Variants in UNC13C observed in about 807,000 individuals in gnomAD.
The protein encoded by UNC13C is unc-13 homolog C.
UNC13C carries 174 observed loss-of-function variants against 245.4 expected under a neutral mutation model. The observed-to-expected ratio is 0.71, with a 90% confidence interval of 0.63 to 0.80. The LOEUF is 0.80. Ranked by LOEUF, UNC13C falls within the 30% of genes least tolerant of loss-of-function variation. The pLI is 0.00. For missense variants in UNC13C, 2,829 were observed against 2,602.9 expected, an observed-to-expected ratio of 1.09 and a Z score of -1.89; for synonymous variants, 992 against 895.1, an observed-to-expected ratio of 1.11 and a Z score of -1.93.
chr15:54,590,258 C>A (rs931608653), intron 30 of UNC13C, among the ~76,000 whole-genome samples: 1 of 152,106 alleles, frequency 6.6e-6, no homozygotes, highest in African/African-American at 2.4e-5. Context: ...CTTAGTCTTG[C>A]TTTGGCTATG....
chr15:54,330,621 G>T (rs1473208130), intron 14 of UNC13C, among the ~76,000 whole-genome samples: 1 of 152,004 alleles, frequency 6.6e-6, no homozygotes, highest in African/African-American at 2.4e-5. Context: ...TCGTCTAAAT[G>T]ATTAACTTTA....
At chr15:53,840,245 A>G in the UNC13C span, among the ~76,000 whole-genome samples, 1 of 152,184 alleles carries the variant, frequency 6.6e-6, no homozygotes, top group South Asian at 2.1e-4. Flanking sequence ...TTTAGCTATG[A>G]GAAAATGTCT....
intron 17 of UNC13C, among the ~76,000 whole-genome samples, chr15:54,365,648 C>G (rs999969067): frequency 9.2e-5 from 14 of 151,936 alleles, no homozygotes; most frequent in Admixed American, 3.9e-4. Context: ...TAACTATGAG[C>G]CTTGGGAGAC....
chr15:54,142,152 T>G (rs1005469519), intron 2 of UNC13C, among the ~76,000 whole-genome samples: 3 of 152,206 alleles, frequency 2.0e-5, no homozygotes, highest in African/African-American at 7.2e-5. Context: ...GACTCTATCC[T>G]ATGACCAGGC....
At chr15:54,462,836 A>C (rs570341271) in intron 19 of UNC13C, among the ~76,000 whole-genome samples, 1 of 152,252 alleles carries the variant, frequency 6.6e-6, no homozygotes, top group African/African-American at 2.4e-5. Flanking sequence ...TGAGGAGTGC[A>C]GGCATGTGGT....
chr15:54,253,739 G>A (rs537762980), intron 8 of UNC13C, among the ~76,000 whole-genome samples: 3 of 152,308 alleles, frequency 2.0e-5, no homozygotes, highest in African/African-American at 7.2e-5. Flanking sequence ...AAAAGGCCGT[G>A]TTGGCTGGGA....
chr15:54,052,911 G>C (rs1388453425), intron 2 of UNC13C, among the ~76,000 whole-genome samples: 1 of 152,178 alleles, frequency 6.6e-6, no homozygotes, highest in Non-Finnish European at 1.5e-5. Flanking sequence ...AAAGTATTAG[G>C]TTGGTTGTAA....
intron 17 of UNC13C, among the ~76,000 whole-genome samples, chr15:54,390,627 C>G (rs964751286): frequency 6.6e-6 from 1 of 151,888 alleles, no homozygotes; most frequent in Non-Finnish European, 1.5e-5. Flanking sequence ...CTTGATATAA[C>G]AAATGTTATT....
chr15:53,907,623 T>C, the UNC13C span, among the ~76,000 whole-genome samples: 3 of 152,176 alleles, frequency 2.0e-5, no homozygotes, highest in African/African-American at 7.2e-5. Flanking sequence ...AATGCTATTA[T>C]TAAAAAGTTC....
At chr15:54,290,990 G>GTATC in intron 10 of UNC13C, among the ~76,000 whole-genome samples, 1 of 152,126 alleles carries the variant, frequency 6.6e-6, no homozygotes, top group Admixed American at 6.6e-5. Context: ...GATGATAACT[G>GTATC]TATCTTTTGC....
In UNC13C at chr15:54,191,120, A is replaced by G. The variant is rs528228763; in HGVS notation, c.3072-43910A>G. 2.0e-4 allele frequency among the ~76,000 whole-genome samples: 30 copies of G among 152,244 alleles called. 1 individual carries two copies. The South Asian group carries it at 2.7e-3, about 14-fold the overall frequency. The stretch of plus-strand genomic sequence containing the variant: ...GAACATGCAGGTTTGTTACATAGGT[A>G]TACACGTGCCATGGTGGTTTGCTGC... On this transcript the variant is annotated intron_variant, in intron 4 of 32. Transcript: ENST00000260323.
At chr15:53,865,184 C>T in the UNC13C span, among the ~76,000 whole-genome samples, 1 of 152,184 alleles carries the variant, frequency 6.6e-6, no homozygotes, top group Non-Finnish European at 1.5e-5. Flanking sequence ...AGAATATCAA[C>T]AGTGCAGGTG....
intron 10 of UNC13C, among the ~76,000 whole-genome samples, chr15:54,286,127 C>T (rs2037142987): frequency 6.6e-6 from 1 of 152,158 alleles, no homozygotes; most frequent in African/African-American, 2.4e-5. Context: ...GTGATCTGTC[C>T]ACTTCAGCCT....
At chr15:54,107,424 T>C (rs763812291) in intron 2 of UNC13C, among the ~76,000 whole-genome samples, 1 of 152,188 alleles carries the variant, frequency 6.6e-6, no homozygotes, top group Non-Finnish European at 1.5e-5. Context: ...TGAAGTACTT[T>C]GATGCATTGC....
the UNC13C span, among the ~76,000 whole-genome samples, chr15:53,853,749 G>T: frequency 6.6e-6 from 1 of 152,184 alleles, no homozygotes; most frequent in African/African-American, 2.4e-5. Context: ...TGTCAGTGAT[G>T]ATGAGCCTTT....
chr15:53,919,381 A>G, the UNC13C span, among the ~76,000 whole-genome samples: 1 of 152,194 alleles, frequency 6.6e-6, no homozygotes, highest in African/African-American at 2.4e-5. Flanking sequence ...CTAGGTGACC[A>G]TGTGTGCCTC....
intron 7 of UNC13C, among the ~76,000 whole-genome samples, chr15:54,248,257 T>C (rs2036048479): frequency 6.6e-6 from 1 of 152,152 alleles, no homozygotes; most frequent in African/African-American, 2.4e-5. Context: ...CCTGATGCAA[T>C]TGCAAGTATA....
chr15:54,561,341 C>G (rs2141207327), intron 29 of UNC13C, among the ~76,000 whole-genome samples: 1 of 152,004 alleles, frequency 6.6e-6, no homozygotes, highest in Middle Eastern at 3.4e-3. Context: ...GATCCAAATA[C>G]TAATTGAGGG....
chr15:54,421,235 A>G (rs931017319), intron 19 of UNC13C, among the ~76,000 whole-genome samples: 7 of 152,142 alleles, frequency 4.6e-5, no homozygotes, highest in Middle Eastern at 3.4e-3. Flanking sequence ...TGATGTATTC[A>G]TGATTGAGTA....
Sources: allele counts gnomAD v4.1 joint callset (sites outside exome capture counted in the v4.1 genomes callset), GRCh38; gene constraint gnomAD v4.1.1; transcripts MANE v1.5; gene names NCBI Gene and HGNC (gene_info 2026-07-23, HGNC 2026-07-21).